The following RALGAPA2 variants were observed in gnomAD, a reference collection of about 807,000 sequenced individuals.
The protein encoded by RALGAPA2 is Ral GTPase activating protein catalytic subunit alpha 2.
In RALGAPA2, 139 loss-of-function variants were observed where a neutral mutation model predicts 230.4. The ratio of observed to expected loss-of-function variants is 0.60; its 90% CI spans 0.53 to 0.69. The LOEUF (loss-of-function observed/expected upper bound fraction) is 0.69. Among genes scored for constraint, RALGAPA2 ranks in the 30% least tolerant of loss-of-function variants. The probability of loss-of-function intolerance (pLI) is 0.00; values close to 1 mark genes in which losing one functional copy is unlikely to be tolerated. For synonymous variants in RALGAPA2, 847 were observed against 837.8 expected (o/e 1.01, Z -0.19); for missense variants, 2,163 against 2,276.0 (o/e 0.95, Z 1.01).
intron 27 of RALGAPA2, 42 bp downstream of exon 27, chr20:20,531,645 G>T (rs1444708019): frequency 3.5e-6 from 5 of 1,442,890 alleles, no homozygotes; most frequent in Non-Finnish European, 4.8e-6. Context: ...AAATGCCTCA[G>T]ATATGGCTTA....
At chr20:20,467,033 A>C (rs2061434240) in intron 37 of RALGAPA2, among the ~76,000 whole-genome samples, 1 of 152,170 alleles carries the variant, frequency 6.6e-6, no homozygotes, top group Non-Finnish European at 1.5e-5. Flanking sequence ...TTACTGAAAA[A>C]ACTGCTGACT....
At chr20:20,543,557 A>T (rs999942742) in intron 24 of RALGAPA2, among the ~76,000 whole-genome samples, 2 of 152,236 alleles carry the variant, frequency 1.3e-5, no homozygotes, top group African/African-American at 4.8e-5. Context: ...GCCATAAAAA[A>T]GGATGAGTTC....
intron 37 of RALGAPA2, among the ~76,000 whole-genome samples, chr20:20,441,228 T>C (rs1295111263): frequency 2.0e-5 from 3 of 152,224 alleles, no homozygotes; most frequent in Non-Finnish European, 2.9e-5. Flanking sequence ...TTGGCATGAA[T>C]TTACATAAGA....
intron 37 of RALGAPA2, chr20:20,470,963 T>C (rs1187578171): frequency 6.6e-6 from 1 of 152,222 alleles, no homozygotes; most frequent in Non-Finnish European, 1.5e-5. Context: ...ATTTGAATAA[T>C]ACCAATTAAA....
At chr20:20,688,156 T>C (rs1280465293) in intron 1 of RALGAPA2, among the ~76,000 whole-genome samples, 1 of 152,068 alleles carries the variant, frequency 6.6e-6, no homozygotes, top group East Asian at 1.9e-4. Context: ...TCATCATTAT[T>C]AAAGAGAAAT....
chr20:20,616,573 G>A (rs958951698), intron 12 of RALGAPA2, among the ~76,000 whole-genome samples: 4 of 152,164 alleles, frequency 2.6e-5, no homozygotes, highest in Non-Finnish European at 5.9e-5. Flanking sequence ...ACTGTAGAGG[G>A]GGAATGGGAG....
intron 23 of RALGAPA2, among the ~76,000 whole-genome samples, chr20:20,560,725 G>A (rs773766401): frequency 6.6e-6 from 1 of 152,098 alleles, no homozygotes; most frequent in Non-Finnish European, 1.5e-5. Context: ...TATAACTTTA[G>A]TACCTGAAAT....
intron 1 of RALGAPA2, among the ~76,000 whole-genome samples, chr20:20,700,185 C>T (rs117824553): frequency 6.6e-6 from 1 of 152,210 alleles, no homozygotes; most frequent in East Asian, 1.9e-4. Flanking sequence ...AGGCCATAAA[C>T]CTAAGCGAAT....
At chr20:20,418,506 A>C (rs541143933) in intron 37 of RALGAPA2, among the ~76,000 whole-genome samples, 1 of 152,304 alleles carries the variant, frequency 6.6e-6, no homozygotes, top group African/African-American at 2.4e-5. Flanking sequence ...GCTCTGGTAC[A>C]TATGTGCTTG....
At position 20,495,206 on chromosome 20, in the gene RALGAPA2, T is replaced by C; in HGVS notation, c.5278A>G (p.Ile1760Val). 2 of 1,611,812 alleles carry C rather than the reference T, an allele frequency of 1.2e-6. No homozygotes were observed. The highest frequency in any genetic ancestry group is 2.2e-5 in the East Asian group (1 of 44,862). The change falls in exon 36 of 40, where the codon ATT (isoleucine) becomes GTT (valine). Residue 1760 changes from isoleucine (I) to valine (V), a missense_variant. Transcript: ENST00000202677. Reference protein sequence around the residue: ...SEHSRDYRRGIIPTAFGDVSI... With the variant: ...SEHSRDYRRGVIPTAFGDVSI... ...ACATCTCCAAAGGCAGTTGGGATAA[T>C]ACCCCTGCGGTAGTCTCTGGAGTGT...
intron 33 of RALGAPA2, among the ~76,000 whole-genome samples, chr20:20,509,209 G>A (rs928902559): frequency 1.3e-5 from 2 of 152,156 alleles, no homozygotes; most frequent in Non-Finnish European, 2.9e-5. Context: ...TTCCTCTAGA[G>A]AAAAGGAATC....
intron 32 of RALGAPA2, 105 bp downstream of exon 32, chr20:20,512,408 C>T (rs2145352800): frequency 8.5e-7 from 1 of 1,179,198 alleles, no homozygotes; most frequent in Non-Finnish European, 1.2e-6. Context: ...TCTCCCTTCT[C>T]CTCTCTTCCC....
Position 20,495,261 on chromosome 20 carries a change from C to T in RALGAPA2, c.5223G>A (p.Gly1741=), listed in dbSNP as rs748120935. ...ACCAGACGATATGGACCTCGTCATTCCCCAAGTGACGAAGCTGCAACAGCA... is the reference window on the plus strand; with the variant it reads ...ACCAGACGATATGGACCTCGTCATTTCCCAAGTGACGAAGCTGCAACAGCA... The part of the protein sequence containing the change: ...DSLTKKLRHL[G]NDEVHIVWSE... The change falls in exon 36 of 40, where the codon GGG becomes GGA. Residue 1741 remains glycine (G), a synonymous_variant. Transcript: ENST00000202677. 6 of 1,523,858 alleles carry T rather than the reference C, an allele frequency of 3.9e-6. No homozygotes were observed. The Admixed American group carries it at 7.1e-5, about 18-fold the overall frequency. The allele number at this position is 1,523,858 out of a possible 1,614,324, so 94.4% of individuals were successfully genotyped here. A position where few individuals can be genotyped will look rare whatever the true frequency, so the allele number is the denominator to read the frequency against.
chr20:20,583,325 C>G (rs532318299), intron 19 of RALGAPA2, 99 bp from the exon 20 acceptor site: 29 of 1,255,108 alleles, frequency 2.3e-5, no homozygotes, highest in Non-Finnish European at 3.1e-5. Flanking sequence ...ACAGCAGACA[C>G]AGTAGGAATC....
intron 24 of RALGAPA2, among the ~76,000 whole-genome samples, chr20:20,537,594 T>G (rs541526294): frequency 8.0e-5 from 10 of 125,134 alleles, no homozygotes; most frequent in African/African-American, 2.8e-4. Context: ...CACTCCAGCC[T>G]AGGCAACAGA....
At chr20:20,607,965 G>A (rs542080152) in intron 14 of RALGAPA2, among the ~76,000 whole-genome samples, 2 of 152,280 alleles carry the variant, frequency 1.3e-5, no homozygotes, top group South Asian at 2.1e-4. Context: ...CATGAAGGCA[G>A]GGTGTCCTTT....
chr20:20,546,921 A>G lies in RALGAPA2; in HGVS notation c.3157-89T>C, dbSNP rs2063788805. 3.6e-5 allele frequency: 48 copies of G among 1,317,288 alleles called. 1 individual carries two copies. Among genetic ancestry groups the G allele is most frequent in the Non-Finnish European group, 4.8e-5 (48 of 997,566 alleles). 81.6% of individuals were successfully genotyped at this position (1,317,288 alleles called of 1,614,324 possible). ...TTGTAGTGGTACATATGACCACTGT[A>G]TAATAATCCAAGAGAGCACAGATTA... is the stretch of plus-strand genomic sequence containing the variant. On this transcript the variant is annotated intron_variant, in intron 23 of 39. Transcript: ENST00000202677.
At chr20:20,429,639 A>G (rs569447110) in intron 37 of RALGAPA2, among the ~76,000 whole-genome samples, 2 of 152,346 alleles carry the variant, frequency 1.3e-5, no homozygotes, top group South Asian at 4.1e-4. Context: ...AATCAGTACA[A>G]AATTCTAAAG....
intron 2 of RALGAPA2, among the ~76,000 whole-genome samples, chr20:20,677,859 G>A (rs2146808835): frequency 6.6e-6 from 1 of 151,814 alleles, no homozygotes; most frequent in Middle Eastern, 3.4e-3. Context: ...TGTTAACCAG[G>A]ATGGTCTTGA....
Sources: gnomAD v4.1 joint callset for allele counts (sites outside exome capture counted in the v4.1 genomes callset) on GRCh38, gnomAD v4.1.1 for gene constraint, MANE v1.5 for transcripts, NCBI Gene and HGNC (gene_info 2026-07-23, HGNC 2026-07-21) for gene names.